SLC7A14: variants seen among roughly 807,000 people sequenced by gnomAD.
The protein encoded by SLC7A14 is solute carrier family 7 member 14.
SLC7A14 carries 37 observed loss-of-function variants against 60.2 expected under a neutral mutation model. The observed-to-expected ratio is 0.61, with a 90% CI of 0.47 to 0.81. The LOEUF (loss-of-function observed/expected upper bound fraction) is 0.81. SLC7A14 is among the 30% of genes least tolerant of loss of function. SLC7A14 has a pLI of 0.00. For missense variants in SLC7A14, 886 were observed against 982.7 expected (o/e 0.90, Z 1.32); for synonymous variants, 399 against 395.8 (o/e 1.01, Z -0.10).
intron 2 of SLC7A14, among the ~76,000 whole-genome samples, chr3:170,525,346 T>C (rs1222483693): frequency 4.6e-5 from 7 of 152,246 alleles, no homozygotes; most frequent in Admixed American, 2.6e-4. Flanking sequence ...TATCGGCATG[T>C]GAGTCCTTGC....
At chr3:170,510,413 T>A (rs77434541) in intron 2 of SLC7A14, among the ~76,000 whole-genome samples, 7,503 of 134,620 alleles carry the variant, frequency 0.056, 311 homozygotes, top group South Asian at 0.081. Context: ...AATAAATAAA[T>A]AAATAAATAA....
intron 7 of SLC7A14, 29 bp downstream of exon 7, chr3:170,480,260 C>T: frequency 1.3e-6 from 2 of 1,514,230 alleles, no homozygotes; most frequent in African/African-American, 1.4e-5. Context: ...TAAAAGGGAA[C>T]TCTTAAGGCT....
chr3:170,554,527 C>G (rs1714435535), intron 1 of SLC7A14, among the ~76,000 whole-genome samples: 1 of 152,190 alleles, frequency 6.6e-6, no homozygotes, highest in South Asian at 2.1e-4. Context: ...AGAGCCAGCA[C>G]TAGGCCTTTG....
intron 1 of SLC7A14, among the ~76,000 whole-genome samples, chr3:170,544,688 A>G (rs2108301832): frequency 6.6e-6 from 1 of 152,358 alleles, no homozygotes; most frequent in South Asian, 2.1e-4. Context: ...TGTCTGCACC[A>G]TAAAAGTGGA....
chr3:170,583,674 A>G (rs963353457), intron 1 of SLC7A14, among the ~76,000 whole-genome samples: 3 of 152,252 alleles, frequency 2.0e-5, no homozygotes, highest in African/African-American at 7.2e-5. Flanking sequence ...ATAATTCTAA[A>G]TATGAAAGTA....
At chr3:170,558,637 G>T (rs1485477222) in intron 1 of SLC7A14, among the ~76,000 whole-genome samples, 1 of 152,142 alleles carries the variant, frequency 6.6e-6, no homozygotes, top group African/African-American at 2.4e-5. Flanking sequence ...GATTACCATG[G>T]TAGATGTGAG....
rs758177865 is a variant in SLC7A14 at position 170,480,280 on chromosome 3, G to A, written c.1993+9C>T. On this transcript the variant is annotated intron_variant, in intron 7 of 7. Coordinates refer to ENST00000231706, the MANE Select transcript of SLC7A14 (RefSeq NM_020949.3). ...GGGAACTCTTAAGGCTCCAAAGGAA[G>A]TTGCTTACCCACAAAGCACCAGACC... is the stretch of plus-strand genomic sequence containing the variant. 1.3e-6 allele frequency: 2 copies of A among 1,519,708 alleles called. No individual in the cohort carries two copies. Among genetic ancestry groups the A allele is most frequent in the Admixed American group, 4.5e-5 (2 of 44,724 alleles). The allele number at this position is 1,519,708 out of a possible 1,614,324, so 94.1% of individuals were successfully genotyped here.
rs79668755 is a variant in SLC7A14, at chr3:170,480,891, C to G, written c.1391G>C (p.Cys464Ser). ...GILADCEKEA[C>S]SPVSEGDEFS... ...CTCATCCCCCTCACTCACAGGAGAA[C>G]AAGCTTCCTTCTCACAGTCAGCCAG... Residue 464 changes from cysteine to serine, a missense_variant, in exon 7 of 8, where the codon TGT becomes TCT. Cys to Ser is a moderately radical substitution (Grantham distance 112). Coordinates refer to ENST00000231706, the MANE Select transcript of SLC7A14 (RefSeq NM_020949.3). 6.2e-7 allele frequency: 1 copy of G among 1,614,074 alleles called. No homozygotes were observed. The highest frequency in any genetic ancestry group is 1.1e-5 in the South Asian group (1 of 91,064).
Position 170,512,788 on chromosome 3 carries a change from C to G in SLC7A14, c.305-11443G>C, listed in dbSNP as rs375157110. Among the ~76,000 whole-genome samples, 6 of 150,362 alleles carry G rather than the reference C, an allele frequency of 4.0e-5. No individual in the cohort carries two copies. In the South Asian group the frequency reaches 6.4e-4, roughly 16 times the overall value. On this transcript the variant is annotated intron_variant, in intron 2 of 7. Coordinates refer to ENST00000231706, the MANE Select transcript of SLC7A14 (RefSeq NM_020949.3). Reference sequence around the variant, plus strand: ...ACGCCATTCTCCTGCCTCAGCCTCCCAAGTAGCTGGGACTACAGGCGCCCG... The same window carrying G: ...ACGCCATTCTCCTGCCTCAGCCTCCGAAGTAGCTGGGACTACAGGCGCCCG...
chr3:170,520,107 T>C (rs1432090622), intron 2 of SLC7A14, among the ~76,000 whole-genome samples: 2 of 152,224 alleles, frequency 1.3e-5, no homozygotes, highest in Admixed American at 6.5e-5. Flanking sequence ...AGTAGCAGAG[T>C]AGCAGAATGA....
intron 7 of SLC7A14, among the ~76,000 whole-genome samples, chr3:170,472,194 C>A (rs915052863): frequency 6.7e-6 from 1 of 148,660 alleles, no homozygotes; most frequent in Non-Finnish European, 1.5e-5. Context: ...CATGGTGAAA[C>A]CCCGTCTACT....
intron 7 of SLC7A14, among the ~76,000 whole-genome samples, chr3:170,471,291 C>T (rs1021220411): frequency 6.6e-6 from 1 of 152,166 alleles, no homozygotes; most frequent in Non-Finnish European, 1.5e-5. Context: ...TCCCGCCTAC[C>T]AGGGATGGAA....
chr3:170,491,307 A>C (rs1465692580), intron 4 of SLC7A14, among the ~76,000 whole-genome samples: 1 of 152,250 alleles, frequency 6.6e-6, no homozygotes, highest in Non-Finnish European at 1.5e-5. Flanking sequence ...ATTATGATCA[A>C]GTAGGGAAAA....
At chr3:170,514,496 T>C (rs897427480) in intron 2 of SLC7A14, among the ~76,000 whole-genome samples, 3 of 152,386 alleles carry the variant, frequency 2.0e-5, no homozygotes, top group African/African-American at 7.2e-5. Flanking sequence ...TATTTTCCTT[T>C]ATAGCACTCG....
At chr3:170,483,229 A>G in intron 6 of SLC7A14, 85 bp downstream of exon 6, 2 of 1,481,230 alleles carry the variant, frequency 1.4e-6, no homozygotes, top group Non-Finnish European at 1.9e-6. Flanking sequence ...TGATGTCAAA[A>G]TCACAGTCAG....
intron 2 of SLC7A14, among the ~76,000 whole-genome samples, chr3:170,513,742 C>A (rs528115674): frequency 1.3e-5 from 2 of 152,302 alleles, no homozygotes; most frequent in Admixed American, 1.3e-4. Context: ...AATAAAGGAT[C>A]CATTCTCTTG....
intron 4 of SLC7A14, among the ~76,000 whole-genome samples, chr3:170,488,370 G>A (rs1712103707): frequency 6.6e-6 from 1 of 152,160 alleles, no homozygotes; most frequent in Non-Finnish European, 1.5e-5. Context: ...TGTGGAAAAC[G>A]TCTTTGGCCT....
intron 4 of SLC7A14, chr3:170,496,307 G>A (rs1712390798): frequency 2.0e-6 from 2 of 1,022,580 alleles, no homozygotes; most frequent in African/African-American, 3.1e-5. Context: ...TGCAGACGCT[G>A]GCTGGCAAGC....
intron 2 of SLC7A14, among the ~76,000 whole-genome samples, chr3:170,505,902 G>C (rs952014074): frequency 2.6e-5 from 4 of 151,736 alleles, no homozygotes; most frequent in African/African-American, 7.3e-5. Context: ...AAAAAAAAGA[G>C]AGATTAACAT....
Sources: allele counts gnomAD v4.1 joint callset (sites outside exome capture counted in the v4.1 genomes callset), GRCh38; gene constraint gnomAD v4.1.1; transcripts MANE v1.5; gene names NCBI Gene and HGNC (gene_info 2026-07-23, HGNC 2026-07-21).